Variants in CNTN5 observed in about 807,000 individuals in gnomAD.
CNTN5 encodes the protein contactin-5.
CNTN5 carries 77 observed loss-of-function variants against 129.1 expected under a neutral mutation model. The ratio of observed to expected loss-of-function variants is 0.60; its 90% confidence interval spans 0.50 to 0.72. The LOEUF is 0.72. Among genes scored for constraint, CNTN5 ranks in the 30% least tolerant of loss-of-function variants. The pLI is 0.00. For synonymous variants in CNTN5, 509 were observed against 465.6 expected (o/e 1.09, Z -1.20); for missense variants, 1,478 against 1,328.8 (o/e 1.11, Z -1.75).
At chr11:99,707,739 T>C (rs986524740) in intron 3 of CNTN5, among the ~76,000 whole-genome samples, 15 of 151,696 alleles carry the variant, frequency 9.9e-5, no homozygotes, top group Admixed American at 9.2e-4. Flanking sequence ...ATATGAGAGA[T>C]ACCAGAAAAC....
At chr11:99,380,984 T>G (rs1940521793) in intron 2 of CNTN5, among the ~76,000 whole-genome samples, 1 of 152,072 alleles carries the variant, frequency 6.6e-6, no homozygotes, top group African/African-American at 2.4e-5. Context: ...TACCAAAATC[T>G]GAGTCCCATT....
intron 6 of CNTN5, among the ~76,000 whole-genome samples, chr11:99,892,256 T>C (rs1949082294): frequency 6.6e-6 from 1 of 152,124 alleles, no homozygotes; most frequent in African/African-American, 2.4e-5. Flanking sequence ...ATTGCAAAAA[T>C]TTTCTTTCAT....
intron 3 of CNTN5, among the ~76,000 whole-genome samples, chr11:99,657,145 A>G (rs988782182): frequency 9.2e-5 from 14 of 152,076 alleles, no homozygotes; most frequent in Non-Finnish European, 1.5e-4. Context: ...AACAAAATCT[A>G]TACAGAAAGC....
At chr11:99,063,253 A>G (rs11218275) in intron 1 of CNTN5, among the ~76,000 whole-genome samples, 70,291 of 151,766 alleles carry the variant, frequency 0.46, 16,613 homozygotes, top group African/African-American at 0.49. Flanking sequence ...TGGCATCATT[A>G]GTTCGAGGAC....
chr11:99,945,600 A>T (rs1950538488), intron 7 of CNTN5, among the ~76,000 whole-genome samples: 1 of 151,382 alleles, frequency 6.6e-6, no homozygotes, highest in South Asian at 2.1e-4. Context: ...TTTTTTTCTG[A>T]AATTTCCCAC....
intron 3 of CNTN5, among the ~76,000 whole-genome samples, chr11:99,589,492 C>T (rs1949910731): frequency 6.6e-6 from 1 of 152,078 alleles, no homozygotes; most frequent in South Asian, 2.1e-4. Flanking sequence ...AATATGAAAA[C>T]AGTAATTTTG....
At chr11:99,834,905 G>A (rs1326185375) in intron 4 of CNTN5, among the ~76,000 whole-genome samples, 1 of 152,146 alleles carries the variant, frequency 6.6e-6, no homozygotes, top group African/African-American at 2.4e-5. Flanking sequence ...AGACCATCTT[G>A]CCCTAGCCAT....
rs1004768167 is a variant in CNTN5 at position 99,080,965 on chromosome 11, C to A, written c.-210+59695C>A. Among the ~76,000 whole-genome samples, 6 of 145,776 alleles carry A rather than the reference C, an allele frequency of 4.1e-5. No homozygotes were observed. In the South Asian group the frequency reaches 6.5e-4, roughly 16 times the overall value. ...AAGAGTTGCTGCAAATTGTTGCCCA[C>A]CTACTGAGAAATCAGTTTTTTTTTT... On this transcript the variant is annotated intron_variant, in intron 1 of 24. Transcript: ENST00000524871.
At chr11:99,024,891 T>G (rs1296491818) in intron 1 of CNTN5, among the ~76,000 whole-genome samples, 1 of 151,990 alleles carries the variant, frequency 6.6e-6, no homozygotes, top group African/African-American at 2.4e-5. Context: ...TCATTTCCTG[T>G]GTATTTCTTA....
intron 8 of CNTN5, among the ~76,000 whole-genome samples, chr11:99,974,778 T>G (rs1387879637): frequency 1.3e-5 from 2 of 152,220 alleles, no homozygotes; most frequent in Non-Finnish European, 2.9e-5. Context: ...TCTTAATAAT[T>G]AGTAGAGTCT....
chr11:100,268,663 T>C (rs569697464), intron 17 of CNTN5, among the ~76,000 whole-genome samples: 1 of 152,146 alleles, frequency 6.6e-6, no homozygotes, highest in African/African-American at 2.4e-5. Flanking sequence ...TCAAAGTCCA[T>C]CAAGAATGAG....
chr11:99,500,355 G>A (rs1233758083), intron 2 of CNTN5, among the ~76,000 whole-genome samples: 4 of 152,022 alleles, frequency 2.6e-5, no homozygotes, highest in South Asian at 2.1e-4. Context: ...AAGTTGTAAA[G>A]CTAACACATT....
intron 2 of CNTN5, among the ~76,000 whole-genome samples, chr11:99,348,039 T>C (rs886259967): frequency 1.3e-5 from 2 of 152,232 alleles, no homozygotes; most frequent in Non-Finnish European, 2.9e-5. Flanking sequence ...TTAATGAAAA[T>C]AATTCATTAG....
At chr11:99,053,044 C>T (rs1221477291) in intron 1 of CNTN5, among the ~76,000 whole-genome samples, 2 of 151,826 alleles carry the variant, frequency 1.3e-5, no homozygotes, top group Non-Finnish European at 1.5e-5. Flanking sequence ...TCCTCTATGA[C>T]CCCACCTCTA....
chr11:100,224,575 G>A (rs1243726722), intron 15 of CNTN5, 117 bp from the exon 16 acceptor site: 51 of 892,326 alleles, frequency 5.7e-5, no homozygotes, highest in Non-Finnish European at 8.3e-5. Flanking sequence ...ATTGTTGTTA[G>A]ATAAACTGTA....
At chr11:99,125,166 G>T (rs546894638) in intron 1 of CNTN5, among the ~76,000 whole-genome samples, 2 of 151,930 alleles carry the variant, frequency 1.3e-5, no homozygotes, top group Non-Finnish European at 2.9e-5. Context: ...CAACATAAAA[G>T]AAAATTTAAG....
At chr11:99,308,524 A>G (rs746838562) in intron 1 of CNTN5, among the ~76,000 whole-genome samples, 18 of 152,162 alleles carry the variant, frequency 1.2e-4, no homozygotes, top group Non-Finnish European at 2.6e-4. Context: ...GGGATACTAT[A>G]AAATTGAACA....
At chr11:100,107,645 G>T (rs1171106157) in intron 13 of CNTN5, among the ~76,000 whole-genome samples, 1 of 151,970 alleles carries the variant, frequency 6.6e-6, no homozygotes, top group Non-Finnish European at 1.5e-5. Flanking sequence ...GTGTAGTTGA[G>T]TGTGACATTC....
chr11:99,411,891 G>A (rs1433507223), intron 2 of CNTN5, among the ~76,000 whole-genome samples: 3 of 152,102 alleles, frequency 2.0e-5, no homozygotes, highest in African/African-American at 7.2e-5. Context: ...TAGACTAACG[G>A]AATAAATAAC....
Sources: allele counts gnomAD v4.1 joint callset (sites outside exome capture counted in the v4.1 genomes callset), GRCh38; gene constraint gnomAD v4.1.1; transcripts MANE v1.5; gene names NCBI Gene and HGNC (gene_info 2026-07-23, HGNC 2026-07-21).